QNG1: variants seen among roughly 807,000 people sequenced by gnomAD.
The protein encoded by QNG1 is Q-nucleotide N-glycosylase 1.
the QNG1 span, among the ~76,000 whole-genome samples, chr9:83,953,119 T>C: frequency 6.6e-6 from 1 of 151,726 alleles, no homozygotes; most frequent in African/African-American, 2.4e-5. Flanking sequence ...AAATACAAAA[T>C]TAGCTGGGCA....
the QNG1 span, chr9:83,953,540 G>A: frequency 3.0e-6 from 1 of 332,182 alleles, no homozygotes; most frequent in Non-Finnish European, 5.7e-6. Context: ...TAGAGACGGG[G>A]TTTCACCACG....
At chr9:83,955,371 AG>A in the QNG1 span, 1 of 1,609,174 alleles carries the variant, frequency 6.2e-7, no homozygotes, top group Non-Finnish European at 8.5e-7. Flanking sequence ...CCCCAACAGA[AG>A]CAACTCACCT....
chr9:83,951,873 T>C, the QNG1 span, among the ~76,000 whole-genome samples: 3 of 152,252 alleles, frequency 2.0e-5, no homozygotes, highest in Non-Finnish European at 2.9e-5. Context: ...GATCTAAATC[T>C]ATCTAAATTA....
At chr9:83,955,905 C>T in the QNG1 span, among the ~76,000 whole-genome samples, 1 of 152,170 alleles carries the variant, frequency 6.6e-6, no homozygotes, top group Non-Finnish European at 1.5e-5. Context: ...CTTCAGGTGT[C>T]ATTCAAATGG....
chr9:83,952,975 A>T, the QNG1 span, among the ~76,000 whole-genome samples: 1 of 151,392 alleles, frequency 6.6e-6, no homozygotes, highest in East Asian at 2.0e-4. Flanking sequence ...AAAAAAAAAA[A>T]AGTATCAGAT....
chr9:83,939,040 C>T, the QNG1 span: 1 of 173,556 alleles, frequency 5.8e-6, no homozygotes, highest in African/African-American at 2.4e-5. Flanking sequence ...TGAGCCACCA[C>T]ATCTGGCCTA....
chr9:83,944,799 A>G, the QNG1 span: 1 of 1,610,812 alleles, frequency 6.2e-7, no homozygotes, highest in Non-Finnish European at 8.5e-7. Flanking sequence ...CAAACCTTTG[A>G]GAAGCTTCTT....
At chr9:83,947,303 T>C in the QNG1 span, among the ~76,000 whole-genome samples, 1 of 152,136 alleles carries the variant, frequency 6.6e-6, no homozygotes, top group Non-Finnish European at 1.5e-5. Flanking sequence ...GATTAAAAGT[T>C]TAAGGAAAGG....
the QNG1 span, chr9:83,953,624 G>A: frequency 3.6e-6 from 2 of 562,618 alleles, no homozygotes; most frequent in East Asian, 3.3e-5. Context: ...GGGATTACAG[G>A]TGTGAGCCAC....
chr9:83,953,073 A>T, the QNG1 span, among the ~76,000 whole-genome samples: 45 of 151,898 alleles, frequency 3.0e-4, no homozygotes, highest in East Asian at 8.6e-3. Context: ...GTTCAAGACC[A>T]GCCTGGCCAA....
At chr9:83,954,159 G>T in the QNG1 span, among the ~76,000 whole-genome samples, 9 of 152,124 alleles carry the variant, frequency 5.9e-5, no homozygotes, top group African/African-American at 2.2e-4. Flanking sequence ...CTCCCAAAGT[G>T]CTGGGATTAC....
chr9:83,945,423 T>C, the QNG1 span, among the ~76,000 whole-genome samples: 2 of 150,660 alleles, frequency 1.3e-5, no homozygotes, highest in African/African-American at 2.4e-5. Context: ...AAAAAATTCA[T>C]AGATCTTTTA....
chr9:83,945,017 A>G, the QNG1 span: 1 of 1,524,478 alleles, frequency 6.6e-7, no homozygotes, highest in East Asian at 2.3e-5. Context: ...TATAAACGTT[A>G]TTTGAGTATC....
the QNG1 span, chr9:83,956,495 G>A: frequency 6.6e-7 from 1 of 1,521,888 alleles, no homozygotes; most frequent in Non-Finnish European, 8.8e-7. Flanking sequence ...TTAGGAGCCC[G>A]TCCATTCTGC....
the QNG1 span, among the ~76,000 whole-genome samples, chr9:83,954,450 C>T: frequency 6.6e-6 from 1 of 152,086 alleles, no homozygotes; most frequent in Non-Finnish European, 1.5e-5. Flanking sequence ...GGTGTGGTGG[C>T]ATGCGCCTGT....
At chr9:83,956,531 C>T in the QNG1 span, 1 of 1,507,416 alleles carries the variant, frequency 6.6e-7, no homozygotes, top group Non-Finnish European at 8.9e-7. Flanking sequence ...GGGCCAAACT[C>T]TTCCCGCCCT....
chr9:83,944,889 C>T, the QNG1 span: 11 of 1,613,518 alleles, frequency 6.8e-6, no homozygotes, highest in Non-Finnish European at 7.6e-6. Context: ...CATGGTGATA[C>T]TGGAGATGTC....
At chr9:83,949,978 T>C in the QNG1 span, among the ~76,000 whole-genome samples, 2 of 150,002 alleles carry the variant, frequency 1.3e-5, no homozygotes, top group Non-Finnish European at 3.0e-5. Flanking sequence ...AATATATTAA[T>C]ATAAAAAAGA....
the QNG1 span, among the ~76,000 whole-genome samples, chr9:83,941,261 G>A: frequency 6.6e-6 from 1 of 152,156 alleles, no homozygotes; most frequent in Non-Finnish European, 1.5e-5. Flanking sequence ...GTTGAACTGT[G>A]GCTCATAAAA....
Sources: allele counts gnomAD v4.1 joint callset (sites outside exome capture counted in the v4.1 genomes callset), GRCh38; gene constraint gnomAD v4.1.1; transcripts MANE v1.5; gene names NCBI Gene and HGNC (gene_info 2026-07-23, HGNC 2026-07-21).